PPP1R16B: variants seen among roughly 807,000 people sequenced by gnomAD.
PPP1R16B encodes protein phosphatase 1 regulatory subunit 16B.
Under a neutral mutation model 61.7 loss-of-function variants are expected in PPP1R16B, and 14 were observed. The ratio of observed to expected loss-of-function variants is 0.23; its 90% CI spans 0.15 to 0.35. PPP1R16B has a LOEUF of 0.35. Among genes scored for constraint, PPP1R16B ranks in the 10% least tolerant of loss-of-function variants. The probability of loss-of-function intolerance (pLI) is 1.00; values close to 1 mark genes in which losing one functional copy is unlikely to be tolerated. For missense variants in PPP1R16B, 547 were observed against 752.5 expected, an observed-to-expected ratio of 0.73 and a Z score of 3.19; for synonymous variants, 266 against 305.3, an observed-to-expected ratio of 0.87 and a Z score of 1.34.
intron 1 of PPP1R16B, among the ~76,000 whole-genome samples, chr20:38,807,145 G>C (rs1335191312): frequency 6.6e-6 from 1 of 152,190 alleles, no homozygotes; most frequent in African/African-American, 2.4e-5. Context: ...CAGTCCGCAG[G>C]GGTACTTCCC....
In PPP1R16B at chr20:38,851,888, C is replaced by T. The variant is rs116372055; in HGVS notation, c.250+15713C>T. ...ACAAAAACAAAAACAAAAACAAAAG[C>T]CAGGCATGGTGGTGTGGGCCTGTAG... is the stretch of plus-strand genomic sequence containing the variant. On this transcript the variant is annotated intron_variant, in intron 2 of 10. Transcript: ENST00000299824. Among the ~76,000 whole-genome samples the T allele has an allele frequency of 2.5e-3, 374 of 152,292 alleles. 1 individual carries two copies. Among genetic ancestry groups the T allele is most frequent in the African/African-American group, 8.6e-3 (359 of 41,552 alleles).
intron 10 of PPP1R16B, among the ~76,000 whole-genome samples, chr20:38,911,171 CTT>C (rs1260598259): frequency 7.2e-5 from 9 of 125,224 alleles, no homozygotes; most frequent in Non-Finnish European, 6.8e-5. Context: ...TTTTCTTTTT[CTT>C]TTTTTTTTTT....
chr20:38,840,418 C>T (rs867127375), intron 2 of PPP1R16B, among the ~76,000 whole-genome samples: 5 of 152,310 alleles, frequency 3.3e-5, no homozygotes, highest in Middle Eastern at 6.8e-3. Flanking sequence ...GACTAGTGTC[C>T]TTGCCCTTGG....
intron 1 of PPP1R16B, among the ~76,000 whole-genome samples, chr20:38,818,069 G>C (rs190080447): frequency 6.6e-6 from 1 of 152,164 alleles, no homozygotes; most frequent in Non-Finnish European, 1.5e-5. Flanking sequence ...CAAAAACAGC[G>C]TGTGTGAAAG....
At chr20:38,839,625 T>C (rs1464281160) in intron 2 of PPP1R16B, among the ~76,000 whole-genome samples, 1 of 152,188 alleles carries the variant, frequency 6.6e-6, no homozygotes, top group African/African-American at 2.4e-5. Context: ...TAGAGCCAGG[T>C]TTCTTTTTTA....
chr20:38,823,602 C>CT (rs2084786197), intron 1 of PPP1R16B, among the ~76,000 whole-genome samples: 1 of 151,690 alleles, frequency 6.6e-6, no homozygotes, highest in Non-Finnish European at 1.5e-5. Flanking sequence ...GATAGTGCCA[C>CT]TGCACTCCAG....
intron 1 of PPP1R16B, among the ~76,000 whole-genome samples, chr20:38,833,473 A>G (rs1327593018): frequency 6.6e-6 from 1 of 152,244 alleles, no homozygotes; most frequent in Non-Finnish European, 1.5e-5. Flanking sequence ...TCTGGCTGTG[A>G]TACTGTATAG....
At chr20:38,888,928 C>CACACACACACA (rs2085269291) in intron 2 of PPP1R16B, among the ~76,000 whole-genome samples, 5 of 147,688 alleles carry the variant, frequency 3.4e-5, no homozygotes, top group African/African-American at 1.2e-4. Flanking sequence ...CACACACACA[C>CACACACACACA]CCCTAGACAA....
intron 1 of PPP1R16B, among the ~76,000 whole-genome samples, chr20:38,819,199 A>G (rs545640181): frequency 8.5e-5 from 13 of 152,318 alleles, no homozygotes; most frequent in African/African-American, 2.4e-4. Flanking sequence ...ACTTAACCCT[A>G]TGGAGCTTAG....
chr20:38,855,939 TATATAGAGAG>T (rs1378488630), intron 2 of PPP1R16B, among the ~76,000 whole-genome samples: 2 of 31,212 alleles, frequency 6.4e-5, no homozygotes, highest in Non-Finnish European at 1.0e-4. Context: ...TATATATATA[TATATAGAGAG>T]AGAGAGAGAG....
At chr20:38,852,020 A>G (rs1225422964) in intron 2 of PPP1R16B, among the ~76,000 whole-genome samples, 1 of 152,190 alleles carries the variant, frequency 6.6e-6, no homozygotes, top group African/African-American at 2.4e-5. Context: ...GTGACAGAGC[A>G]AGGCCCTGTA....
chr20:38,872,007 A>G (rs1360002707), intron 2 of PPP1R16B, among the ~76,000 whole-genome samples: 1 of 152,226 alleles, frequency 6.6e-6, no homozygotes, highest in Admixed American at 6.5e-5. Context: ...TTTTCACACT[A>G]AATCTTCAAG....
At position 38,895,557 on chromosome 20, in the gene PPP1R16B, T is replaced by C; in HGVS notation, c.322-8T>C. 6.2e-7 allele frequency: 1 copy of C among 1,613,324 alleles called. No individual in the cohort carries two copies. Among genetic ancestry groups the C allele is most frequent in the Non-Finnish European group, 8.5e-7 (1 of 1,179,422 alleles). Reference sequence around the variant, plus strand: ...CTGGAGCTGACTCTGCCTGTGTGTCTCTCCCAGTGCTGCATCGACAACTTT... The same window carrying C: ...CTGGAGCTGACTCTGCCTGTGTGTCCCTCCCAGTGCTGCATCGACAACTTT... On this transcript the variant is annotated splice_polypyrimidine_tract_variant and splice_region_variant and intron_variant, in intron 3 of 10. Transcript: ENST00000299824.
At chr20:38,819,780 A>G (rs2084761203) in intron 1 of PPP1R16B, among the ~76,000 whole-genome samples, 1 of 152,194 alleles carries the variant, frequency 6.6e-6, no homozygotes, top group African/African-American at 2.4e-5. Flanking sequence ...CCCAGAGAGC[A>G]GTATTTAAAA....
Position 38,864,656 on chromosome 20 carries a change from C to G in PPP1R16B, c.251-24939C>G, listed in dbSNP as rs527513600. On this transcript the variant is annotated intron_variant, in intron 2 of 10. Coordinates refer to ENST00000299824, the MANE Select transcript of PPP1R16B (RefSeq NM_015568.4). ...CCCACTGCAACCAGAGGTCGGACTT[C>G]ATGTATAACAGAGGGAGTCACAGGA... 7.2e-5 allele frequency among the ~76,000 whole-genome samples: 11 copies of G among 152,268 alleles called. No homozygotes were observed. In the South Asian group the frequency reaches 2.1e-3, roughly 29 times the overall value.
At chr20:38,859,488 T>G (rs369320071) in intron 2 of PPP1R16B, among the ~76,000 whole-genome samples, 1 of 152,336 alleles carries the variant, frequency 6.6e-6, no homozygotes, top group African/African-American at 2.4e-5. Flanking sequence ...AAGCCACATA[T>G]GTAACTGTAT....
rs141315855 is a variant in PPP1R16B at position 38,816,096 on chromosome 20, A to T, written c.-102+10304A>T. ...TGATTAGAAGCAAAAAGAAAAAAAA[A>T]AATAATGGAGCTTATCCTTAGTGGG... On this transcript the variant is annotated intron_variant, in intron 1 of 10. Transcript: ENST00000299824. Among the ~76,000 whole-genome samples the T allele has an allele frequency of 4.4e-3, 677 of 152,316 alleles. 3 individuals are homozygous for T. The highest frequency in any genetic ancestry group is 7.1e-3 in the Non-Finnish European group (483 of 68,032).
chr20:38,883,461 C>A (rs1264147536), intron 2 of PPP1R16B, among the ~76,000 whole-genome samples: 1 of 152,250 alleles, frequency 6.6e-6, no homozygotes, highest in African/African-American at 2.4e-5. Context: ...GACCAGATGG[C>A]CCTGTTTGGC....
intron 1 of PPP1R16B, among the ~76,000 whole-genome samples, chr20:38,829,476 C>T (rs1031794941): frequency 5.9e-5 from 9 of 152,186 alleles, no homozygotes; most frequent in African/African-American, 1.7e-4. Flanking sequence ...CTGGATTTTC[C>T]GATGCTGGGC....
Sources: gnomAD v4.1 joint callset for allele counts (sites outside exome capture counted in the v4.1 genomes callset) on GRCh38, gnomAD v4.1.1 for gene constraint, MANE v1.5 for transcripts, NCBI Gene and HGNC (gene_info 2026-07-23, HGNC 2026-07-21) for gene names.